Variants in AKAP6 observed in about 807,000 individuals in gnomAD.
AKAP6 encodes the protein A-kinase anchor protein 6.
In AKAP6, 58 loss-of-function variants were observed where a neutral mutation model predicts 188.5. The observed-to-expected ratio is 0.31, with a 90% CI of 0.25 to 0.38. The LOEUF (loss-of-function observed/expected upper bound fraction) is 0.38. Ranked by LOEUF, AKAP6 falls within the 10% of genes least tolerant of loss-of-function variation. AKAP6 has a pLI of 1.00. For synonymous variants in AKAP6, 989 were observed against 998.6 expected, an observed-to-expected ratio of 0.99 and a Z score of 0.18; for missense variants, 2,710 against 2,740.0, an observed-to-expected ratio of 0.99 and a Z score of 0.24.
intron 5 of AKAP6, among the ~76,000 whole-genome samples, chr14:32,579,252 G>T (rs1166654206): frequency 6.6e-6 from 1 of 152,074 alleles, no homozygotes; most frequent in Non-Finnish European, 1.5e-5. Context: ...TCTCCAGTTT[G>T]CTGTGGGCCA....
chr14:32,519,478 C>G (rs1881704743), intron 2 of AKAP6, among the ~76,000 whole-genome samples: 2 of 151,588 alleles, frequency 1.3e-5, no homozygotes, highest in Admixed American at 1.3e-4. Context: ...CACAAAAACT[C>G]AAAATAAAGG....
intron 2 of AKAP6, among the ~76,000 whole-genome samples, chr14:32,504,901 C>T (rs1164895256): frequency 6.6e-6 from 1 of 152,222 alleles, no homozygotes; most frequent in Non-Finnish European, 1.5e-5. Flanking sequence ...GTGGCTCCAT[C>T]TGGGATATAC....
At chr14:32,452,636 C>T (rs77583704) in intron 2 of AKAP6, among the ~76,000 whole-genome samples, 8,518 of 151,918 alleles carry the variant, frequency 0.056, 283 homozygotes, top group East Asian at 0.1. Context: ...ATAGGGAGAC[C>T]CTGTTTCTAC....
intron 9 of AKAP6, among the ~76,000 whole-genome samples, chr14:32,726,427 C>T (rs139311978): frequency 5.3e-5 from 8 of 152,200 alleles, no homozygotes; most frequent in South Asian, 2.1e-4. Context: ...CATTTGGGAG[C>T]GTTTTGTTTA....
At chr14:32,643,557 C>T (rs1018938077) in intron 7 of AKAP6, among the ~76,000 whole-genome samples, 7 of 152,226 alleles carry the variant, frequency 4.6e-5, no homozygotes, top group Non-Finnish European at 7.4e-5. Flanking sequence ...CTGCCCGCCT[C>T]GGCCTCCCAA....
intron 7 of AKAP6, among the ~76,000 whole-genome samples, chr14:32,609,063 T>TG (rs113171632): frequency 0.014 from 2,174 of 152,320 alleles, 45 homozygotes; most frequent in African/African-American, 0.047. Context: ...CAGGCTGAGC[T>TG]GGGAGAGCCC....
At chr14:32,702,904 C>T (rs1234914257) in intron 9 of AKAP6, among the ~76,000 whole-genome samples, 1 of 150,710 alleles carries the variant, frequency 6.6e-6, no homozygotes, top group Non-Finnish European at 1.5e-5. Context: ...TGTGACCACG[C>T]TTAATCACAA....
rs569579605 is a variant in AKAP6 at position 32,741,374 on chromosome 14, G to A, written c.3372+5492G>A. On this transcript the variant is annotated intron_variant, in intron 11 of 13. Transcript: ENST00000280979. ...CTCTATTTCTTTCTCTTGTCTGATC[G>A]CTTTAGCTAGGACTTCCAGAACTAT... Among the ~76,000 whole-genome samples, 5 of 151,946 alleles carry A rather than the reference G, an allele frequency of 3.3e-5. No individual in the cohort carries two copies. In the East Asian group the frequency reaches 7.7e-4, roughly 23 times the overall value.
chr14:32,678,163 T>A (rs1453391455), intron 7 of AKAP6, 148 bp from the exon 8 acceptor site: 6 of 701,926 alleles, frequency 8.5e-6, no homozygotes, highest in African/African-American at 3.6e-5. Context: ...TATAATTCTG[T>A]AATATGCCCA....
intron 1 of AKAP6, among the ~76,000 whole-genome samples, chr14:32,397,912 C>T (rs913893888): frequency 1.3e-5 from 2 of 152,174 alleles, no homozygotes; most frequent in Non-Finnish European, 2.9e-5. Context: ...GCTCTGAAAA[C>T]CTGTCATCAC....
chr14:32,375,580 G>A (rs1888133377), intron 1 of AKAP6, among the ~76,000 whole-genome samples: 2 of 151,782 alleles, frequency 1.3e-5, no homozygotes, highest in East Asian at 3.9e-4. Context: ...TGTCAATTAA[G>A]GAAGCAGAGG....
At chr14:32,416,706 C>A (rs1018838604) in intron 1 of AKAP6, among the ~76,000 whole-genome samples, 2 of 152,136 alleles carry the variant, frequency 1.3e-5, no homozygotes, top group Admixed American at 1.3e-4. Flanking sequence ...AGGTGCCCAC[C>A]ACCATGCCTG....
chr14:32,788,250 A>T (rs1432738597), intron 12 of AKAP6, among the ~76,000 whole-genome samples: 1 of 152,144 alleles, frequency 6.6e-6, no homozygotes. Flanking sequence ...AGACTCTCTC[A>T]CTTAGTAGCT....
chr14:32,724,990 TAAAAAA>T (rs71432079), intron 9 of AKAP6, among the ~76,000 whole-genome samples: 29 of 34,910 alleles, frequency 8.3e-4, no homozygotes, highest in Admixed American at 1.7e-3. Flanking sequence ...ATATTCAACC[TAAAAAA>T]AAAAAAAAAA....
In AKAP6 at chr14:32,530,558, C is replaced by T. The variant is rs556288496; in HGVS notation, c.325-4996C>T. Among the ~76,000 whole-genome samples the T allele has an allele frequency of 2.0e-5, 3 of 152,108 alleles. No individual in the cohort carries two copies. In the East Asian group the frequency reaches 5.8e-4, roughly 29 times the overall value. On this transcript the variant is annotated intron_variant, in intron 2 of 13. Coordinates refer to ENST00000280979, the MANE Select transcript of AKAP6 (RefSeq NM_004274.5). Reference sequence around the variant, plus strand: ...GTACATTTGTAATTTCACAGGGAAACCTTTAAGATGTTTTGAGAGTGATTG... The same window carrying T: ...GTACATTTGTAATTTCACAGGGAAATCTTTAAGATGTTTTGAGAGTGATTG...
chr14:32,711,306 C>A (rs2139752666), intron 9 of AKAP6, among the ~76,000 whole-genome samples: 2 of 152,096 alleles, frequency 1.3e-5, no homozygotes, highest in South Asian at 4.1e-4. Flanking sequence ...CTTCTGGTAA[C>A]CAAAGAAAAT....
chr14:32,584,978 C>T (rs1233271861), intron 5 of AKAP6, among the ~76,000 whole-genome samples: 1 of 151,366 alleles, frequency 6.6e-6, no homozygotes, highest in Non-Finnish European at 1.5e-5. Context: ...TGAGTAGAAG[C>T]ATAATAAATA....
intron 1 of AKAP6, among the ~76,000 whole-genome samples, chr14:32,357,933 A>T (rs1054580769): frequency 3.9e-5 from 6 of 152,166 alleles, no homozygotes; most frequent in Admixed American, 3.9e-4. Context: ...GCTACCAGTT[A>T]TTTATTGTTC....
chr14:32,432,200 C>A (rs568025397), intron 1 of AKAP6, among the ~76,000 whole-genome samples: 1 of 151,624 alleles, frequency 6.6e-6, no homozygotes, highest in East Asian at 1.9e-4. Flanking sequence ...ATTTGTAGAA[C>A]CCGAAAAAAA....
Sources: gnomAD v4.1 joint callset for allele counts (sites outside exome capture counted in the v4.1 genomes callset) on GRCh38, gnomAD v4.1.1 for gene constraint, MANE v1.5 for transcripts, NCBI Gene and HGNC (gene_info 2026-07-23, HGNC 2026-07-21) for gene names.